Variants in RANGAP1 observed in about 807,000 individuals in gnomAD.
The protein encoded by RANGAP1 is Ran GTPase activating protein 1.
Under a neutral mutation model 63.5 loss-of-function variants are expected in RANGAP1, and 38 were observed. The observed-to-expected ratio is 0.60, with a 90% CI of 0.46 to 0.78. The LOEUF is 0.78. RANGAP1 is among the 30% of genes least tolerant of loss of function. The pLI is 0.00. For synonymous variants in RANGAP1, 329 were observed against 310.5 expected (o/e 1.06, Z -0.63); for missense variants, 630 against 740.3 (o/e 0.85, Z 1.73).
the RANGAP1 span, among the ~76,000 whole-genome samples, chr22:41,299,667 G>C: frequency 1.3e-5 from 2 of 152,126 alleles, no homozygotes; most frequent in African/African-American, 2.4e-5. Flanking sequence ...TTTAACATGG[G>C]GACATAGAGC....
chr22:41,256,058 C>CA lies in RANGAP1; in HGVS notation c.1035_1036insT (p.Glu346Ter). ...AGCACCTTGGCCATGTTGAAGCCCT[C>CA]CAGCACCTCCTGAAGCTGTTCACAG... On this transcript the variant is annotated frameshift_variant, in exon 10 of 16. Transcript: ENST00000356244. LOFTEE classifies it high-confidence loss of function. 2 of 1,614,062 alleles carry CA rather than the reference C, an allele frequency of 1.2e-6. No homozygotes were observed. The highest frequency in any genetic ancestry group is 2.2e-5 in the South Asian group (2 of 91,082).
chr22:41,249,684 C>A (rs961195131), intron 14 of RANGAP1, 45 bp downstream of exon 14: 1 of 1,579,142 alleles, frequency 6.3e-7, no homozygotes, highest in Non-Finnish European at 8.7e-7. Context: ...TCTGTGCAGA[C>A]CCCACCCACC....
chr22:41,288,920 A>ATT (rs10657576), upstream of RANGAP1, among the ~76,000 whole-genome samples: 43,841 of 111,042 alleles, frequency 0.39, 9,996 homozygotes, highest in Non-Finnish European at 0.45. Flanking sequence ...CTATATCCTG[A>ATT]TTTTTTTTTT....
chr22:41,287,917 C>T (rs1043103939), upstream of RANGAP1, among the ~76,000 whole-genome samples: 2 of 151,876 alleles, frequency 1.3e-5, no homozygotes, highest in Admixed American at 6.6e-5. Flanking sequence ...ACCCGGGAGG[C>T]GGAGGTTGCA....
chr22:41,263,890 C>G (rs2034312006), intron 5 of RANGAP1, among the ~76,000 whole-genome samples: 1 of 152,256 alleles, frequency 6.6e-6, no homozygotes, highest in Non-Finnish European at 1.5e-5. Context: ...GTGATCCACT[C>G]CACCCCATCT....
At chr22:41,280,802 A>G (rs187808694) in intron 2 of RANGAP1, 131 bp downstream of exon 2, 134 of 1,530,428 alleles carry the variant, frequency 8.8e-5, no homozygotes, top group African/African-American at 8.3e-4. Context: ...AATAGGCCCA[A>G]TGATACCTCA....
chr22:41,272,983 T>C (rs1247637861), intron 3 of RANGAP1, among the ~76,000 whole-genome samples: 2 of 152,056 alleles, frequency 1.3e-5, no homozygotes, highest in Non-Finnish European at 2.9e-5. Context: ...GGGCTAATTT[T>C]TGTACTTTTT....
At chr22:41,276,732 C>G (rs1312306434) in intron 2 of RANGAP1, among the ~76,000 whole-genome samples, 1 of 151,280 alleles carries the variant, frequency 6.6e-6, no homozygotes, top group Non-Finnish European at 1.5e-5. Flanking sequence ...AATCCCAGCA[C>G]TTTGGGAGGC....
intron 4 of RANGAP1, among the ~76,000 whole-genome samples, chr22:41,267,082 T>A (rs1248528619): frequency 2.6e-5 from 4 of 151,186 alleles, no homozygotes; most frequent in African/African-American, 7.3e-5. Context: ...TTTTGCCATG[T>A]TGGCCAGGCT....
intron 2 of RANGAP1, among the ~76,000 whole-genome samples, chr22:41,277,244 A>T (rs1198571690): frequency 6.6e-6 from 1 of 151,354 alleles, no homozygotes; most frequent in East Asian, 2.0e-4. Context: ...CGCCCGGCTA[A>T]TTTTTTGTAG....
chr22:41,286,508 C>T (rs779319693), upstream of RANGAP1, among the ~76,000 whole-genome samples: 1 of 152,250 alleles, frequency 6.6e-6, no homozygotes, highest in Admixed American at 6.5e-5. Flanking sequence ...GCACCCAGGT[C>T]CCTCAGCTCT....
chr22:41,294,051 T>A, the RANGAP1 span, among the ~76,000 whole-genome samples: 1 of 151,174 alleles, frequency 6.6e-6, no homozygotes, highest in Admixed American at 6.6e-5. Flanking sequence ...CCTCTCCCTC[T>A]CCCCACGGTC....
chr22:41,294,104 C>T, the RANGAP1 span, among the ~76,000 whole-genome samples: 51 of 152,258 alleles, frequency 3.3e-4, no homozygotes, highest in African/African-American at 1.2e-3. Context: ...GATGCCGAGC[C>T]GAAGCTGGAC....
rs555311456 is a variant in RANGAP1 at position 41,250,314 on chromosome 22, C to T, written c.1484-497G>A. ...TTCCGAGCCTCATTTCCCACTGAGC[C>T]GCCCTCCCCGCTTCGACGCCACGCC... On this transcript the variant is annotated intron_variant, in intron 13 of 15. Coordinates refer to ENST00000356244, the MANE Select transcript of RANGAP1 (RefSeq NM_002883.4). Among the ~76,000 whole-genome samples the T allele has an allele frequency of 2.6e-5, 4 of 152,362 alleles. No homozygotes were observed. The South Asian group carries it at 8.3e-4, about 32-fold the overall frequency.
chr22:41,265,765 G>C (rs2034430474), intron 4 of RANGAP1, among the ~76,000 whole-genome samples: 1 of 152,210 alleles, frequency 6.6e-6, no homozygotes, highest in Non-Finnish European at 1.5e-5. Context: ...TGAGCAGGTG[G>C]TCCATGGGGG....
chr22:41,246,989 A>G (rs1265708276), intron 15 of RANGAP1, among the ~76,000 whole-genome samples: 1 of 152,216 alleles, frequency 6.6e-6, no homozygotes, highest in Non-Finnish European at 1.5e-5. Context: ...GGACTGGCCC[A>G]CTAGAGTCCA....
chr22:41,256,138 G>T, intron 9 of RANGAP1, 33 bp from the exon 10 acceptor site: 1 of 1,613,810 alleles, frequency 6.2e-7, no homozygotes, highest in Admixed American at 1.7e-5. Flanking sequence ...AGTCAGCCGG[G>T]GTGCCAGGGC....
the RANGAP1 span, among the ~76,000 whole-genome samples, chr22:41,294,263 G>A: frequency 1.2e-4 from 18 of 152,320 alleles, no homozygotes; most frequent in East Asian, 5.8e-4. Context: ...TGTGTTGGCC[G>A]GGCTGGTCTC....
At position 41,249,375 on chromosome 22, in the gene RANGAP1, T is replaced by A. The variant is rs777521081; in HGVS notation, c.1649A>T (p.Tyr550Phe). The change falls in exon 15 of 16, where the codon TAT becomes TTT. Residue 550 changes from tyrosine (Y) to phenylalanine (F), a missense_variant. Coordinates refer to ENST00000356244, the MANE Select transcript of RANGAP1 (RefSeq NM_002883.4). ...CAGGGGTGCAAGGGCCTTGGGGAAA[T>A]AGTCCTGCTGCACCATGTGGTTCAG... ...MALNHMVQQD[Y>F]FPKALAPLLL... The A allele has an allele frequency of 6.2e-7, 1 of 1,613,378 alleles. No homozygotes were observed. Among genetic ancestry groups the A allele is most frequent in the Admixed American group, 1.7e-5 (1 of 59,872 alleles).
Sources: gnomAD v4.1 joint callset for allele counts (sites outside exome capture counted in the v4.1 genomes callset) on GRCh38, gnomAD v4.1.1 for gene constraint, MANE v1.5 for transcripts, NCBI Gene and HGNC (gene_info 2026-07-23, HGNC 2026-07-21) for gene names.